USP47: variants seen among roughly 807,000 people sequenced by gnomAD.
USP47 encodes the protein ubiquitin carboxyl-terminal hydrolase 47.
A neutral mutation model predicts 165.1 loss-of-function variants in USP47; 35 were observed. The ratio of observed to expected loss-of-function variants is 0.21; its 90% confidence interval spans 0.16 to 0.28. The LOEUF (loss-of-function observed/expected upper bound fraction) is 0.28. USP47 is among the 10% of genes least tolerant of loss of function. The pLI is 1.00. For synonymous variants in USP47, 531 were observed against 544.5 expected, an observed-to-expected ratio of 0.98 and a Z score of 0.35; for missense variants, 1,277 against 1,607.4, an observed-to-expected ratio of 0.79 and a Z score of 3.52.
chr11:11,909,957 A>G (rs1387620799), intron 8 of USP47, among the ~76,000 whole-genome samples: 2 of 152,222 alleles, frequency 1.3e-5, no homozygotes, highest in Non-Finnish European at 2.9e-5. Flanking sequence ...TGACTCAGCC[A>G]CAGAACTCAT....
chr11:11,864,740 A>G (rs1849575856), intron 1 of USP47, among the ~76,000 whole-genome samples: 1 of 147,328 alleles, frequency 6.8e-6, no homozygotes, highest in Non-Finnish European at 1.5e-5. Flanking sequence ...ATATTTATAC[A>G]TTATAGAATA....
At chr11:11,932,795 A>G (rs917500156) in intron 14 of USP47, among the ~76,000 whole-genome samples, 1 of 152,152 alleles carries the variant, frequency 6.6e-6, no homozygotes, top group East Asian at 1.9e-4. Flanking sequence ...GCTCTTTAAG[A>G]TATGGACCTA....
chr11:11,938,165 A>G lies in USP47; in HGVS notation c.2078-92A>G, dbSNP rs1190808643. ...CTGTACTTGGAAGTTTGGATTTGTC[A>G]CCTGTTAGAAACACATTAAGAATGC... On this transcript the variant is annotated intron_variant, in intron 17 of 27. Transcript: ENST00000527733. The G allele has an allele frequency of 4.7e-6, 5 of 1,059,322 alleles. No homozygotes were observed. The East Asian group carries it at 1.2e-4, about 26-fold the overall frequency. 65.6% of individuals were successfully genotyped at this position (1,059,322 alleles called of 1,614,324 possible).
At chr11:11,882,066 A>G (rs73411092) in intron 2 of USP47, among the ~76,000 whole-genome samples, 10,077 of 152,186 alleles carry the variant, frequency 0.066, 1,063 homozygotes, top group African/African-American at 0.23. Context: ...AATTCACCCT[A>G]CATAATAGTT....
chr11:11,939,747 A>G (rs898308710), intron 18 of USP47, among the ~76,000 whole-genome samples: 1 of 152,038 alleles, frequency 6.6e-6, no homozygotes, highest in African/African-American at 2.4e-5. Flanking sequence ...AAATATGTCT[A>G]TAGAGAATAA....
chr11:11,902,914 G>C (rs1428665869), intron 6 of USP47, 54 bp downstream of exon 6: 1 of 1,459,006 alleles, frequency 6.9e-7, no homozygotes, highest in Non-Finnish European at 9.1e-7. Context: ...AATTCTAGAA[G>C]ACAATAATAT....
intron 19 of USP47, 100 bp from the exon 20 acceptor site, chr11:11,942,230 TATAAC>T (rs1299860493): frequency 2.7e-5 from 35 of 1,274,048 alleles, no homozygotes; most frequent in South Asian, 1.3e-4. Flanking sequence ...TCACACATGT[TATAAC>T]ATAACTGTGT....
chr11:11,919,290 AAT>A (rs1443854092), intron 8 of USP47, among the ~76,000 whole-genome samples: 1 of 152,086 alleles, frequency 6.6e-6, no homozygotes, highest in East Asian at 1.9e-4. Context: ...ATACTGTCTT[AAT>A]GATTCCATTT....
intron 4 of USP47, among the ~76,000 whole-genome samples, chr11:11,893,425 C>G (rs1207831810): frequency 6.6e-6 from 1 of 152,040 alleles, no homozygotes; most frequent in African/African-American, 2.4e-5. Flanking sequence ...TTGCAGATTG[C>G]TTATTTTTAA....
At chr11:11,883,071 C>T (rs570805841) in intron 2 of USP47, among the ~76,000 whole-genome samples, 1 of 152,270 alleles carries the variant, frequency 6.6e-6, no homozygotes, top group Admixed American at 6.5e-5. Context: ...AGCTACCCAC[C>T]ACCTTGTATA....
chr11:11,890,258 C>T (rs756296716), intron 3 of USP47, among the ~76,000 whole-genome samples: 1 of 152,024 alleles, frequency 6.6e-6, no homozygotes, highest in Non-Finnish European at 1.5e-5. Context: ...ATCAGAATGA[C>T]CAGACAGCCT....
intron 1 of USP47, among the ~76,000 whole-genome samples, chr11:11,868,328 A>T (rs1849815063): frequency 6.6e-6 from 1 of 152,108 alleles, no homozygotes; most frequent in Admixed American, 6.5e-5. Flanking sequence ...GGCGATCACT[A>T]ATCTCTTCTC....
rs879556356 is a variant in USP47, at chr11:11,841,990, A to AGCG, written c.-179_-177dup. 2.4e-4 allele frequency: 126 copies of AGCG among 531,382 alleles called. 1 individual carries two copies. The highest frequency in any genetic ancestry group is 5.2e-4 in the Middle Eastern group (1 of 1,906). 32.9% of individuals were successfully genotyped at this position (531,382 alleles called of 1,614,324 possible). On this transcript the variant is annotated 5_prime_UTR_variant, in exon 1 of 28. Coordinates refer to ENST00000527733, the MANE Select transcript of USP47 (RefSeq NM_001282659.2). ...GGCCGACGACGAAGGCGGCTGTGGT[A>AGCG]GCGGCGGCGGCGGCGGCGGAGCCCT...
chr11:11,879,508 G>A (rs901332709), intron 1 of USP47, among the ~76,000 whole-genome samples: 1 of 152,124 alleles, frequency 6.6e-6, no homozygotes, highest in African/African-American at 2.4e-5. Context: ...TAAGCAGGAA[G>A]GATAATTTGT....
intron 1 of USP47, among the ~76,000 whole-genome samples, chr11:11,862,482 T>C (rs1245474422): frequency 6.6e-6 from 1 of 152,192 alleles, no homozygotes; most frequent in Non-Finnish European, 1.5e-5. Flanking sequence ...AGTGTATTCC[T>C]GACAAGTCTC....
At chr11:11,923,395 C>T (rs1354397529) in intron 11 of USP47, among the ~76,000 whole-genome samples, 1 of 151,944 alleles carries the variant, frequency 6.6e-6, no homozygotes, top group Non-Finnish European at 1.5e-5. Flanking sequence ...CCAAAGCCCC[C>T]TAGTCTTTCT....
chr11:11,954,785 C>A, intron 25 of USP47, 112 bp from the exon 26 acceptor site: 27 of 1,231,276 alleles, frequency 2.2e-5, no homozygotes, highest in Non-Finnish European at 2.3e-5. Flanking sequence ...AATTTTTTTA[C>A]ATGAAACATT....
rs76514802 is a variant in USP47, at chr11:11,950,289, G to A, written c.3465-75G>A. The A allele has an allele frequency of 8.1e-3, 8,041 of 991,598 alleles. 138 individuals are homozygous for A. The highest frequency in any genetic ancestry group is 0.055 in the African/African-American group (3,313 of 59,762). 61.4% of individuals were successfully genotyped at this position (991,598 alleles called of 1,614,324 possible). A position where few individuals can be genotyped will look rare whatever the true frequency, so the allele number is the denominator to read the frequency against. On this transcript the variant is annotated intron_variant, in intron 23 of 27. Transcript: ENST00000527733. ...TTTGAACATAGTTCATTTTTCTTTG[G>A]TGTCAGATTAGTGTCAATCTTTAAA... is the stretch of plus-strand genomic sequence containing the variant.
chr11:11,901,132 G>A (rs1270843848), intron 5 of USP47, among the ~76,000 whole-genome samples: 2 of 152,124 alleles, frequency 1.3e-5, no homozygotes, highest in Non-Finnish European at 2.9e-5. Flanking sequence ...TCTGTGAGGC[G>A]GAAGGGAGTG....
Sources: gnomAD v4.1 joint callset for allele counts (sites outside exome capture counted in the v4.1 genomes callset) on GRCh38, gnomAD v4.1.1 for gene constraint, MANE v1.5 for transcripts, NCBI Gene and HGNC (gene_info 2026-07-23, HGNC 2026-07-21) for gene names.